Variants in DCAF10 observed in about 807,000 individuals in gnomAD.
The protein encoded by DCAF10 is DDB1 and CUL4 associated factor 10, also known as DDB1- and CUL4-associated factor 10.
DCAF10 carries 19 observed loss-of-function variants against 51.9 expected under a neutral mutation model. That is an observed-to-expected ratio of 0.37 (90% CI 0.26 to 0.54). DCAF10 has a LOEUF of 0.54. Among genes scored for constraint, DCAF10 ranks in the 20% least tolerant of loss-of-function variants. DCAF10 has a pLI of 0.87. For missense variants in DCAF10, 510 were observed against 730.6 expected (o/e 0.70, Z 3.48); for synonymous variants, 291 against 297.1 (o/e 0.98, Z 0.21).
intron 2 of DCAF10, among the ~76,000 whole-genome samples, chr9:37,823,788 A>G (rs928260307): frequency 6.6e-5 from 10 of 152,044 alleles, no homozygotes; most frequent in African/African-American, 1.9e-4. Flanking sequence ...TCAACATGTA[A>G]TCAATATAAA....
chr9:37,831,224 A>G (rs1365174398), intron 2 of DCAF10, among the ~76,000 whole-genome samples: 3 of 152,126 alleles, frequency 2.0e-5, no homozygotes, highest in Admixed American at 6.5e-5. Context: ...CTCAAAAAAA[A>G]AGAAAGTTTT....
intron 6 of DCAF10, among the ~76,000 whole-genome samples, chr9:37,860,927 A>T (rs1050450263): frequency 3.3e-5 from 5 of 152,240 alleles, no homozygotes; most frequent in African/African-American, 1.2e-4. Context: ...AAGGCTTTAA[A>T]GCATCATAAC....
At chr9:37,825,146 G>A (rs1829814028) in intron 2 of DCAF10, among the ~76,000 whole-genome samples, 1 of 152,176 alleles carries the variant, frequency 6.6e-6, no homozygotes, top group African/African-American at 2.4e-5. Flanking sequence ...GTTGGTGAGA[G>A]TGTAAATTAG....
At chr9:37,854,027 T>A (rs1830772898) in intron 3 of DCAF10, among the ~76,000 whole-genome samples, 1 of 152,198 alleles carries the variant, frequency 6.6e-6, no homozygotes, top group African/African-American at 2.4e-5. Flanking sequence ...CAACATGTAT[T>A]ATTTTAAATA....
In DCAF10 at chr9:37,831,095, C is replaced by T. The variant is rs186626095; in HGVS notation, c.654-10994C>T. Among the ~76,000 whole-genome samples the T allele has an allele frequency of 7.5e-3, 1,137 of 152,236 alleles. 12 individuals carry two copies. Among genetic ancestry groups the T allele is most frequent in the African/African-American group, 0.025 (1,059 of 41,544 alleles). On this transcript the variant is annotated intron_variant, in intron 2 of 6. Transcript: ENST00000377724. Reference sequence around the variant, plus strand: ...AAAATTAGCTGGGCGTGGTGGCACACGCCTGCAGTCCCAGCTACTCGGGAG... The same window carrying T: ...AAAATTAGCTGGGCGTGGTGGCACATGCCTGCAGTCCCAGCTACTCGGGAG...
At chr9:37,833,585 G>T (rs1054368849) in intron 2 of DCAF10, among the ~76,000 whole-genome samples, 6 of 151,982 alleles carry the variant, frequency 3.9e-5, no homozygotes, top group Admixed American at 2.6e-4. Flanking sequence ...CATATCATCT[G>T]ACAATGAAGA....
At chr9:37,850,842 A>T (rs528457218) in intron 3 of DCAF10, among the ~76,000 whole-genome samples, 17 of 27,262 alleles carry the variant, frequency 6.2e-4, no homozygotes, top group Non-Finnish European at 1.0e-3. Flanking sequence ...ATATATATAT[A>T]TATATATATA....
intron 1 of DCAF10, among the ~76,000 whole-genome samples, chr9:37,805,502 A>G (rs2119013849): frequency 6.6e-6 from 1 of 152,258 alleles, no homozygotes; most frequent in East Asian, 1.9e-4. Flanking sequence ...ATAAAAATAA[A>G]TGATAAGTGA....
chr9:37,801,488 G>GCGCC lies in DCAF10; in HGVS notation c.539+86_539+89dup, dbSNP rs1257639077. ...GACGGCCGTCCTGGGCTCGCTCCCC[G>GCGCC]CGCCCGGGCCGAGGTTAGCGAGGCC... is the stretch of plus-strand genomic sequence containing the variant. On this transcript the variant is annotated intron_variant, in intron 1 of 6. Coordinates refer to ENST00000377724, the MANE Select transcript of DCAF10 (RefSeq NM_024345.5). This position sits in a 1 kb window ranked among gnomAD's most constrained non-coding sequence, Gnocchi z 5.5. The GCGCC allele has an allele frequency of 2.8e-5, 38 of 1,334,002 alleles. No homozygotes were observed. The East Asian group carries it at 1.2e-3, about 42-fold the overall frequency. The allele number at this position is 1,334,002 out of a possible 1,614,324, so 82.6% of individuals were successfully genotyped here.
At chr9:37,850,906 A>G (rs1320656706) in intron 3 of DCAF10, among the ~76,000 whole-genome samples, 2 of 131,518 alleles carry the variant, frequency 1.5e-5, no homozygotes, top group African/African-American at 5.5e-5. Context: ...TAGCCATTCC[A>G]CAATATATAC....
At chr9:37,858,325 C>T (rs542612191) in intron 5 of DCAF10, among the ~76,000 whole-genome samples, 43 of 152,312 alleles carry the variant, frequency 2.8e-4, no homozygotes, top group African/African-American at 1.0e-3. Context: ...AGAAGTATAA[C>T]ATTTTTCCTT....
At chr9:37,855,838 G>T (rs1830831302) in intron 4 of DCAF10, among the ~76,000 whole-genome samples, 1 of 151,928 alleles carries the variant, frequency 6.6e-6, no homozygotes, top group Non-Finnish European at 1.5e-5. Context: ...AACATAGGAA[G>T]ACCTCATCTC....
At chr9:37,803,268 GTTTAT>G (rs1373774440) in intron 1 of DCAF10, among the ~76,000 whole-genome samples, 1 of 151,994 alleles carries the variant, frequency 6.6e-6, no homozygotes, top group Non-Finnish European at 1.5e-5. Context: ...ATTTGTGTAT[GTTTAT>G]TTTAATATAA....
At position 37,801,411 on chromosome 9, in the gene DCAF10, C is replaced by T. The variant is rs760907572; in HGVS notation, c.539+6C>T. 1.4e-4 allele frequency: 206 copies of T among 1,460,768 alleles called. No homozygotes were observed. The highest frequency in any genetic ancestry group is 1.8e-4 in the Non-Finnish European group (200 of 1,103,334). The allele number at this position is 1,460,768 out of a possible 1,614,324, so 90.5% of individuals were successfully genotyped here. ...CTCGAGTACTCGCCCGACGGGTAAG[C>T]GCGGCCCCTCGGAGGGCGGGCGCCC... is the stretch of plus-strand genomic sequence containing the variant. On this transcript the variant is annotated splice_donor_region_variant and intron_variant, in intron 1 of 6. Coordinates refer to ENST00000377724, the MANE Select transcript of DCAF10 (RefSeq NM_024345.5). This position sits in a 1 kb window ranked among gnomAD's most constrained non-coding sequence, Gnocchi z 5.5.
intron 2 of DCAF10, among the ~76,000 whole-genome samples, chr9:37,836,888 A>T (rs1056522527): frequency 1.2e-4 from 19 of 152,110 alleles, no homozygotes; most frequent in Non-Finnish European, 2.2e-4. Context: ...GTGGTAACCA[A>T]CCAATTTTAT....
At chr9:37,853,144 C>T (rs7859678) in intron 3 of DCAF10, among the ~76,000 whole-genome samples, 2,859 of 139,570 alleles carry the variant, frequency 0.02, 91 homozygotes, top group African/African-American at 0.077. Flanking sequence ...AAGAGTGAAA[C>T]TCCGTCTCAA....
intron 1 of DCAF10, among the ~76,000 whole-genome samples, chr9:37,814,568 CT>C (rs1829472765): frequency 2.0e-5 from 3 of 152,016 alleles, no homozygotes; most frequent in African/African-American, 7.3e-5. Flanking sequence ...GTGAGAGCCA[CT>C]GTGTCTGGCC....
At chr9:37,846,403 G>A (rs1247568439) in intron 3 of DCAF10, among the ~76,000 whole-genome samples, 1 of 152,154 alleles carries the variant, frequency 6.6e-6, no homozygotes, top group African/African-American at 2.4e-5. Flanking sequence ...CAACACAGAT[G>A]AACAGATAGA....
chr9:37,850,208 A>G (rs1208774486), intron 3 of DCAF10, among the ~76,000 whole-genome samples: 2 of 152,238 alleles, frequency 1.3e-5, no homozygotes, highest in African/African-American at 4.8e-5. Flanking sequence ...TAAATTATGG[A>G]AGACAGTAGG....
Sources: gnomAD v4.1 joint callset for allele counts (sites outside exome capture counted in the v4.1 genomes callset) on GRCh38, gnomAD v4.1.1 for gene constraint, Gnocchi (gnomAD v3.1) non-coding constraint, MANE v1.5 for transcripts, NCBI Gene and HGNC (gene_info 2026-07-23, HGNC 2026-07-21) for gene names.